ANKRD36: variants seen among roughly 807,000 people sequenced by gnomAD.
ANKRD36 encodes ankyrin repeat domain 36, also known as ankyrin repeat domain-containing protein 36A.
In ANKRD36, 179 loss-of-function variants were observed where a neutral mutation model predicts 278.1. The ratio of observed to expected loss-of-function variants is 0.64; its 90% CI spans 0.57 to 0.73. The LOEUF (loss-of-function observed/expected upper bound fraction) is 0.73, where lower values mean the gene tolerates loss of function less well. Among genes scored for constraint, ANKRD36 ranks in the 30% least tolerant of loss-of-function variants. ANKRD36 has a pLI of 0.00. For synonymous variants in ANKRD36, 320 were observed against 641.1 expected, an observed-to-expected ratio of 0.50 and a Z score of 7.57; for missense variants, 1,159 against 1,956.7, an observed-to-expected ratio of 0.59 and a Z score of 7.69.
intron 34 of ANKRD36, among the ~76,000 whole-genome samples, chr2:97,190,723 C>T (rs567917315): frequency 2.0e-5 from 3 of 151,492 alleles, no homozygotes; most frequent in Admixed American, 6.6e-5. Flanking sequence ...GATATTGACA[C>T]GGTTTTATTT....
At chr2:97,211,782 T>C (rs1476207751) in intron 58 of ANKRD36, 41 bp downstream of exon 58, 3 of 1,538,252 alleles carry the variant, frequency 2.0e-6, no homozygotes, top group East Asian at 2.5e-5. Context: ...TCGGTCAGGG[T>C]AGAAGAGAAC....
At chr2:97,183,897 C>G (rs1337233115) in intron 28 of ANKRD36, among the ~76,000 whole-genome samples, 2 of 151,570 alleles carry the variant, frequency 1.3e-5, no homozygotes, top group East Asian at 2.0e-4. Flanking sequence ...GAAAACAGTT[C>G]AAGACATAAG....
intron 67 of ANKRD36, among the ~76,000 whole-genome samples, chr2:97,228,203 A>G (rs2070593222): frequency 1.3e-5 from 2 of 152,096 alleles, no homozygotes. Context: ...ATAGTTTCAG[A>G]AGGAAGGGTA....
intron 10 of ANKRD36, among the ~76,000 whole-genome samples, chr2:97,146,183 T>A (rs2044187457): frequency 2.6e-5 from 4 of 151,994 alleles, no homozygotes; most frequent in Admixed American, 1.3e-4. Context: ...GCCAGGTTGG[T>A]CTTGAACTCC....
intron 11 of ANKRD36, among the ~76,000 whole-genome samples, chr2:97,146,852 G>A (rs575790207): frequency 7.5e-4 from 114 of 151,776 alleles, no homozygotes; most frequent in Middle Eastern, 3.4e-3. Flanking sequence ...GCAGCAATGC[G>A]ATCACGGTAC....
Position 97,144,843 on chromosome 2 carries a change from A to G in ANKRD36, c.1003+131A>G, listed in dbSNP as rs1050764615. On this transcript the variant is annotated intron_variant, in intron 10 of 75. Coordinates refer to ENST00000420699, the MANE Select transcript of ANKRD36 (RefSeq NM_001354587.1). The stretch of plus-strand genomic sequence containing the variant: ...GCGGGCCTGAGATTCTGCATTTGTA[A>G]TAAGTTCTGGAGTGATGGTGATTCT... The G allele has an allele frequency of 1.4e-5, 18 of 1,286,322 alleles. 1 individual carries two copies. The highest frequency in any genetic ancestry group is 1.9e-5 in the Non-Finnish European group (18 of 949,354). 79.7% of individuals were successfully genotyped at this position (1,286,322 alleles called of 1,614,324 possible).
chr2:97,209,134 C>T (rs2063668273), intron 54 of ANKRD36, among the ~76,000 whole-genome samples: 1 of 146,608 alleles, frequency 6.8e-6, no homozygotes, highest in Non-Finnish European at 1.5e-5. Context: ...TACTAGGTAT[C>T]AGCAAACAGA....
intron 10 of ANKRD36, 139 bp from the exon 11 acceptor site, chr2:97,146,347 G>A (rs1213616026): frequency 1.7e-6 from 1 of 583,228 alleles, no homozygotes; most frequent in African/African-American, 1.9e-5. Context: ...GAAATGCCTG[G>A]GCTTCTCAAG....
chr2:97,123,613 T>TTGTA (rs1167709168), intron 4 of ANKRD36, among the ~76,000 whole-genome samples: 1 of 64,676 alleles, frequency 1.5e-5, no homozygotes, highest in East Asian at 2.6e-4. Flanking sequence ...GTAAGTAACA[T>TTGTA]TATATATATA....
At chr2:97,153,146 A>G (rs1381207294) in intron 14 of ANKRD36, among the ~76,000 whole-genome samples, 2 of 152,300 alleles carry the variant, frequency 1.3e-5, no homozygotes, top group African/African-American at 4.8e-5. Context: ...AGTCCATGTT[A>G]TGTTAACTAT....
At chr2:97,193,097 A>G in intron 38 of ANKRD36, 44 bp downstream of exon 38, 1 of 1,477,532 alleles carries the variant, frequency 6.8e-7, no homozygotes, top group Non-Finnish European at 9.1e-7. Flanking sequence ...GTGCAGATAG[A>G]TAAGAAGTTC....
chr2:97,219,303 T>C, intron 66 of ANKRD36, 57 bp downstream of exon 66: 4 of 1,416,268 alleles, frequency 2.8e-6, no homozygotes, highest in East Asian at 5.1e-5. Context: ...CTGTTTGTAA[T>C]GCTCATAGTC....
chr2:97,174,502 A>G (rs1559481582), intron 22 of ANKRD36, among the ~76,000 whole-genome samples: 2 of 151,778 alleles, frequency 1.3e-5, no homozygotes, highest in Admixed American at 6.6e-5. Context: ...ATATGCATAC[A>G]TTGGCTTTGT....
intron 1 of ANKRD36, among the ~76,000 whole-genome samples, chr2:97,117,173 T>C (rs1298470533): frequency 1.3e-5 from 2 of 152,050 alleles, no homozygotes; most frequent in East Asian, 1.9e-4. Flanking sequence ...AAATACCTAA[T>C]TTACATAACA....
At chr2:97,217,558 A>G (rs1382740967) in intron 64 of ANKRD36, among the ~76,000 whole-genome samples, 186 bp downstream of exon 64, 6 of 152,078 alleles carry the variant, frequency 3.9e-5, no homozygotes, top group Non-Finnish European at 8.8e-5. Flanking sequence ...GATCTTAGTA[A>G]CAAGCTTATA....
In ANKRD36 at chr2:97,206,115, A is replaced by G; in HGVS notation, c.3143A>G (p.Asp1048Gly). The change falls in exon 52 of 76, where the codon GAT (aspartate) becomes GGT (glycine). Residue 1048 changes from aspartate (D) to glycine (G), a missense_variant. Transcript: ENST00000420699. ...TTGAGTATAGCCAGAGAAAACAAGGATGGAGAAAAATCTAGGACAGGTAAT... is the reference window on the plus strand; with the variant it reads ...TTGAGTATAGCCAGAGAAAACAAGGGTGGAGAAAAATCTAGGACAGGTAAT... ...SVLSIARENK[D>G]GEKSRTVSSE... The G allele has an allele frequency of 4.5e-6, 7 of 1,543,342 alleles. No individual in the cohort carries two copies. The highest frequency in any genetic ancestry group is 6.1e-6 in the Non-Finnish European group (7 of 1,146,660).
At chr2:97,195,095 A>G (rs1254274976) in intron 40 of ANKRD36, among the ~76,000 whole-genome samples, 178 bp downstream of exon 40, 1 of 151,976 alleles carries the variant, frequency 6.6e-6, no homozygotes, top group African/African-American at 2.4e-5. Context: ...CATGATCTTC[A>G]CTGTAAGATT....
rs2923973 is a variant in ANKRD36, at chr2:97,134,829, G to A, written c.799+7695G>A. On this transcript the variant is annotated intron_variant, in intron 6 of 75. Transcript: ENST00000420699. ...GCCATACCATTCCCAGTATTTCTTT[G>A]TAAGCTTCTCTCTGACAAGGAAACA... Among the ~76,000 whole-genome samples the A allele has an allele frequency of 1.2e-4, 18 of 152,000 alleles. No homozygotes were observed. The South Asian group carries it at 1.7e-3, about 14-fold the overall frequency.
chr2:97,199,976 A>G (rs1225492710), intron 44 of ANKRD36, among the ~76,000 whole-genome samples: 1 of 151,900 alleles, frequency 6.6e-6, no homozygotes, highest in East Asian at 1.9e-4. Flanking sequence ...ATGTGGGATC[A>G]TGTAGCACCT....
Sources: allele counts gnomAD v4.1 joint callset (sites outside exome capture counted in the v4.1 genomes callset), GRCh38; gene constraint gnomAD v4.1.1; transcripts MANE v1.5; gene names NCBI Gene and HGNC (gene_info 2026-07-23, HGNC 2026-07-21).